The following FIP1L1 variants were observed in gnomAD, a reference collection of about 807,000 sequenced individuals.
FIP1L1 encodes factor interacting with PAPOLA and CPSF1.
A neutral mutation model predicts 84.6 loss-of-function variants in FIP1L1; 21 were observed. The observed-to-expected ratio is 0.25, with a 90% CI of 0.18 to 0.36. FIP1L1 has a LOEUF of 0.36. Ranked by LOEUF, FIP1L1 falls within the 10% of genes least tolerant of loss-of-function variation. The pLI is 1.00. For synonymous variants in FIP1L1, 263 were observed against 242.3 expected (o/e 1.09, Z -0.80); for missense variants, 526 against 751.1 (o/e 0.70, Z 3.50).
chr4:53,434,437 A>G (rs1768147536), intron 13 of FIP1L1, among the ~76,000 whole-genome samples: 1 of 152,000 alleles, frequency 6.6e-6, no homozygotes, highest in African/African-American at 2.4e-5. Flanking sequence ...CTGTAAGAGA[A>G]TGAGCATGAA....
chr4:53,442,375 A>G (rs577363610), intron 13 of FIP1L1: 2 of 311,342 alleles, frequency 6.4e-6, no homozygotes, highest in Non-Finnish European at 1.2e-5. Context: ...TAACTTTCTC[A>G]TACTTACAAA....
intron 17 of FIP1L1, 52 bp downstream of exon 17, chr4:53,458,842 T>A (rs1423734232): frequency 1.3e-6 from 2 of 1,573,182 alleles, no homozygotes; most frequent in Admixed American, 3.6e-5. Flanking sequence ...GATTTTGACT[T>A]ACTACATTGT....
chr4:53,409,485 G>A (rs1755872551), intron 10 of FIP1L1, among the ~76,000 whole-genome samples: 1 of 152,216 alleles, frequency 6.6e-6, no homozygotes, highest in South Asian at 2.1e-4. Flanking sequence ...CCCGTTCTCA[G>A]ATCTCCAGCT....
intron 13 of FIP1L1, among the ~76,000 whole-genome samples, chr4:53,430,341 C>CTTTTTTT (rs376793476): frequency 4.0e-5 from 3 of 75,798 alleles, no homozygotes; most frequent in African/African-American, 1.1e-4. Context: ...GATAAAATTA[C>CTTTTTTT]TTTTTTTTTT....
intron 10 of FIP1L1, among the ~76,000 whole-genome samples, chr4:53,403,775 A>C (rs139667388): frequency 1.2e-4 from 19 of 152,254 alleles, no homozygotes; most frequent in African/African-American, 4.6e-4. Context: ...CTGTTGCCCA[A>C]TGCCGGCTGC....
intron 11 of FIP1L1, among the ~76,000 whole-genome samples, chr4:53,425,230 G>A (rs73818711): frequency 6.6e-6 from 1 of 151,806 alleles, no homozygotes; most frequent in Non-Finnish European, 1.5e-5. Flanking sequence ...CAACTTACTA[G>A]GTTTTTCTCT....
chr4:53,444,404 T>G (rs1422326687), intron 15 of FIP1L1, among the ~76,000 whole-genome samples: 1 of 152,236 alleles, frequency 6.6e-6, no homozygotes, highest in African/African-American at 2.4e-5. Context: ...TTGTAACGTT[T>G]CTATTTCTTC....
chr4:53,449,498 A>G (rs1368979590), intron 15 of FIP1L1, among the ~76,000 whole-genome samples: 1 of 152,124 alleles, frequency 6.6e-6, no homozygotes, highest in Non-Finnish European at 1.5e-5. Context: ...TTTTTTCTAG[A>G]TAAACACTGA....
intron 11 of FIP1L1, among the ~76,000 whole-genome samples, chr4:53,421,367 A>T (rs751126267): frequency 6.6e-6 from 1 of 152,186 alleles, no homozygotes; most frequent in African/African-American, 2.4e-5. Context: ...TATATTTGCC[A>T]CGTAGAAATT....
Position 53,459,874 on chromosome 4 carries a change from T to TTA in FIP1L1, c.*427_*428dup, listed in dbSNP as rs1721487925. On this transcript the variant is annotated 3_prime_UTR_variant, in exon 18 of 18. Coordinates refer to ENST00000337488, the MANE Select transcript of FIP1L1 (RefSeq NM_030917.4). ...TAAGGCTTGAGATTAAAACTAGTCT[T>TTA]TATCATTACTGCTGTGACACTCTTG... is the stretch of plus-strand genomic sequence containing the variant. 4.2e-6 allele frequency: 1 copy of TTA among 236,422 alleles called. No individual in the cohort carries two copies. The highest frequency in any genetic ancestry group is 5.3e-5 in the Admixed American group (1 of 18,722). The allele number at this position is 236,422 out of a possible 1,614,324, so 14.6% of individuals were successfully genotyped here.
intron 13 of FIP1L1, among the ~76,000 whole-genome samples, chr4:53,439,798 T>G (rs1771095301): frequency 1.3e-5 from 2 of 152,038 alleles, no homozygotes; most frequent in South Asian, 4.1e-4. Flanking sequence ...ATGTATCTCT[T>G]AAATTTAAAA....
chr4:53,446,370 T>C (rs1330512968), intron 15 of FIP1L1, among the ~76,000 whole-genome samples: 1 of 152,184 alleles, frequency 6.6e-6, no homozygotes, highest in East Asian at 1.9e-4. Flanking sequence ...TCCTGCCATT[T>C]AGTAAACCAT....
chr4:53,428,796 TCTTA>T (rs573850317), intron 13 of FIP1L1, among the ~76,000 whole-genome samples: 51 of 152,368 alleles, frequency 3.3e-4, no homozygotes, highest in Non-Finnish European at 6.9e-4. Flanking sequence ...GGGTTGCCTT[TCTTA>T]CTTTGTTTTT....
chr4:53,459,332 A>G lies in FIP1L1; in HGVS notation c.1668A>G (p.Glu556=), dbSNP rs1397245044. The change falls in exon 18 of 18, where the codon GAA becomes GAG. Residue 556 remains glutamate, a synonymous_variant. Coordinates refer to ENST00000337488, the MANE Select transcript of FIP1L1 (RefSeq NM_030917.4). ...GTAGACGTCGCCATGAAAGTGAAGA[A>G]GGAGATAGTCACAGGAGACACAAAC... ...SNSRRRHESE[E]GDSHRRHKHK... The G allele has an allele frequency of 6.2e-7, 1 of 1,606,526 alleles. No individual in the cohort carries two copies. Among genetic ancestry groups the G allele is most frequent in the Non-Finnish European group, 8.5e-7 (1 of 1,177,412 alleles).
In FIP1L1 at chr4:53,437,184, T is replaced by C. The variant is rs901914052; in HGVS notation, c.1175-5469T>C. Among the ~76,000 whole-genome samples, 16 of 151,768 alleles carry C rather than the reference T, an allele frequency of 1.1e-4. 1 individual carries two copies. The highest frequency in any genetic ancestry group is 3.1e-4 in the African/African-American group (13 of 41,416). On this transcript the variant is annotated intron_variant, in intron 13 of 17. Transcript: ENST00000337488. The stretch of plus-strand genomic sequence containing the variant: ...TCCACAAAAAATGCAAAAAATTAGC[T>C]GAGCATGGTGGTACACACCTGTAGT...
chr4:53,390,882 C>A, intron 7 of FIP1L1, 127 bp from the exon 8 acceptor site: 1 of 792,170 alleles, frequency 1.3e-6, no homozygotes, highest in Non-Finnish European at 1.9e-6. Flanking sequence ...GTCTTTTTGC[C>A]ACCATAAATG....
chr4:53,381,753 CTTTTTTTTT>C (rs531488760), intron 3 of FIP1L1, among the ~76,000 whole-genome samples: 2 of 87,948 alleles, frequency 2.3e-5, no homozygotes, highest in African/African-American at 5.6e-5. Context: ...CATTTGCATT[CTTTTTTTTT>C]TTTTTTTTTT....
At chr4:53,407,579 C>G in intron 10 of FIP1L1, among the ~76,000 whole-genome samples, 1 of 146,282 alleles carries the variant, frequency 6.8e-6, no homozygotes, top group East Asian at 2.0e-4. Context: ...AACTTTCTGT[C>G]TCGTTGGTCT....
Position 53,428,097 on chromosome 4 carries a change from G to C in FIP1L1, c.1088G>C (p.Gly363Ala). The C allele has an allele frequency of 6.2e-7, 1 of 1,610,014 alleles. No individual in the cohort carries two copies. Among genetic ancestry groups the C allele is most frequent in the Non-Finnish European group, 8.5e-7 (1 of 1,177,276 alleles). The change falls in exon 13 of 18, where the codon GGA (glycine) becomes GCA (alanine). Residue 363 changes from glycine to alanine, a missense_variant. Gly to Ala is a moderately conservative substitution (Grantham distance 60, BLOSUM62 0). Coordinates refer to ENST00000337488, the MANE Select transcript of FIP1L1 (RefSeq NM_030917.4). ...AAACCACCTCCGTTTTTCCCTCCAG[G>C]AGCTCCTCCCACTCACCTTCCACCT... The part of the protein sequence containing the change: ...FSKPPPFFPP[G>A]APPTHLPPPP...
Sources: gnomAD v4.1 joint callset for allele counts (sites outside exome capture counted in the v4.1 genomes callset) on GRCh38, gnomAD v4.1.1 for gene constraint, MANE v1.5 for transcripts, NCBI Gene and HGNC (gene_info 2026-07-23, HGNC 2026-07-21) for gene names.